CACNA1A: variants seen among roughly 807,000 people sequenced by gnomAD.
The protein encoded by CACNA1A is calcium voltage-gated channel subunit alpha1 A, also known as voltage-dependent P/Q-type calcium channel subunit alpha-1A.
CACNA1A carries 57 observed loss-of-function variants against 262.4 expected under a neutral mutation model. The ratio of observed to expected loss-of-function variants is 0.22; its 90% confidence interval spans 0.18 to 0.27. CACNA1A has a LOEUF of 0.27. CACNA1A is among the 10% of genes least tolerant of loss of function. The pLI, the probability that CACNA1A is intolerant of heterozygous loss-of-function variation, is 1.00. For synonymous variants in CACNA1A, 1,431 were observed against 1,419.3 expected (o/e 1.01, Z -0.18); for missense variants, 2,526 against 3,562.8 (o/e 0.71, Z 7.41).
intron 1 of CACNA1A, among the ~76,000 whole-genome samples, chr19:13,465,563 C>T (rs906077918): frequency 6.6e-6 from 1 of 152,158 alleles, no homozygotes; most frequent in Non-Finnish European, 1.5e-5. Flanking sequence ...TGGCTCACTG[C>T]AGCCTCGGCC....
In CACNA1A at chr19:13,235,167, C is replaced by T. The variant is rs975278730; in HGVS notation, c.5133+42G>A. The T allele has an allele frequency of 8.7e-6, 14 of 1,600,998 alleles. 1 individual carries two copies. Among genetic ancestry groups the T allele is most frequent in the Admixed American group, 6.8e-5 (4 of 58,784 alleles). On this transcript the variant is annotated intron_variant, in intron 33 of 46. Coordinates refer to ENST00000360228, the MANE Select transcript of CACNA1A (RefSeq NM_001127222.2). ...CCACCCCTTTCTAAGGGTGGCTGCC[C>T]TCCTTGGGAGGCTCTGGGAACCTTA... is the stretch of plus-strand genomic sequence containing the variant.
Position 13,229,994 on chromosome 19 carries a change from C to T in CACNA1A, c.5528+88G>A. 2.0e-6 allele frequency: 3 copies of T among 1,476,046 alleles called. No individual in the cohort carries two copies. In the South Asian group the frequency reaches 3.9e-5, roughly 19 times the overall value. The allele number at this position is 1,476,046 out of a possible 1,614,324, so 91.4% of individuals were successfully genotyped here. ...CTGCTAGGACCCCAGGAGTTCAGTG[C>T]TCCAGAGTCTGGGGCCTGACCTAGC... is the stretch of plus-strand genomic sequence containing the variant. On this transcript the variant is annotated intron_variant, in intron 36 of 46. Transcript: ENST00000360228.
In CACNA1A at chr19:13,283,360, G is replaced by A. The variant is rs1446222234; in HGVS notation, c.3729C>T (p.Arg1243=). The change falls in exon 22 of 47, where the codon CGC becomes CGT. Residue 1243 remains arginine, a synonymous_variant. Coordinates refer to ENST00000360228, the MANE Select transcript of CACNA1A (RefSeq NM_001127222.2). ...CCATGAGGATGCACATCTCAAAGTA[G>A]CGCAGGTTCAGGATGTAATGGCACA... The part of the protein sequence containing the change: ...RRLCHYILNL[R]YFEMCILMVI... 1.2e-6 allele frequency: 2 copies of A among 1,613,882 alleles called. No homozygotes were observed. Among genetic ancestry groups the A allele is most frequent in the Non-Finnish European group, 1.7e-6 (2 of 1,179,894 alleles).
rs59760296 is a variant in CACNA1A at position 13,491,052 on chromosome 19, A to T, written c.293+14880T>A. Among the ~76,000 whole-genome samples, 45 of 152,350 alleles carry T rather than the reference A, an allele frequency of 3.0e-4. No individual in the cohort carries two copies. In the East Asian group the frequency reaches 8.5e-3, roughly 29 times the overall value. ...AAGAAACCTAGTCCTAGTTGAGCTCAGACTCTGTCCCTTAACCATCGTCCC... is the reference window on the plus strand; with the variant it reads ...AAGAAACCTAGTCCTAGTTGAGCTCTGACTCTGTCCCTTAACCATCGTCCC... On this transcript the variant is annotated intron_variant, in intron 1 of 46. Coordinates refer to ENST00000360228, the MANE Select transcript of CACNA1A (RefSeq NM_001127222.2).
intron 24 of CACNA1A, among the ~76,000 whole-genome samples, chr19:13,267,259 C>A (rs2144792341): frequency 6.6e-6 from 1 of 152,296 alleles, no homozygotes. Flanking sequence ...GAACACAGAA[C>A]ACGCACGTAC....
At chr19:13,426,179 G>GA (rs1451755778) in intron 3 of CACNA1A, among the ~76,000 whole-genome samples, 1 of 152,016 alleles carries the variant, frequency 6.6e-6, no homozygotes, top group Non-Finnish European at 1.5e-5. Flanking sequence ...AGAGACAGCA[G>GA]AAAAAAAGCC....
At chr19:13,446,416 T>C (rs1382424841) in intron 3 of CACNA1A, among the ~76,000 whole-genome samples, 1 of 150,964 alleles carries the variant, frequency 6.6e-6, no homozygotes, top group Non-Finnish European at 1.5e-5. Context: ...ATGATGTGTG[T>C]GTGTGTGCGC....
At chr19:13,230,392 CTG>C (rs1377661137) in intron 35 of CACNA1A, among the ~76,000 whole-genome samples, 183 bp from the exon 36 acceptor site, 1 of 151,862 alleles carries the variant, frequency 6.6e-6, no homozygotes, top group African/African-American at 2.4e-5. Flanking sequence ...CAGAAAGAGA[CTG>C]GGGAATGGAG....
At chr19:13,227,771 G>C in intron 36 of CACNA1A, 1 of 264,338 alleles carries the variant, frequency 3.8e-6, no homozygotes. Flanking sequence ...TTCACTGCTC[G>C]GGAGCAGGGA....
At chr19:13,492,592 A>C (rs1313536796) in intron 1 of CACNA1A, among the ~76,000 whole-genome samples, 1 of 152,108 alleles carries the variant, frequency 6.6e-6, no homozygotes, top group African/African-American at 2.4e-5. Flanking sequence ...TGCTCACTGC[A>C]GTGTGATCAG....
chr19:13,328,186 T>A (rs1568538928), intron 10 of CACNA1A, among the ~76,000 whole-genome samples: 2 of 152,186 alleles, frequency 1.3e-5, no homozygotes, highest in Non-Finnish European at 2.9e-5. Flanking sequence ...ATTACAGGCG[T>A]GAACCACTGT....
intron 6 of CACNA1A, among the ~76,000 whole-genome samples, chr19:13,354,925 A>G (rs2058982739): frequency 7.4e-6 from 1 of 134,664 alleles, no homozygotes; most frequent in South Asian, 2.3e-4. Flanking sequence ...CCCAGGCTGG[A>G]GTGCAGTGGC....
At chr19:13,348,822 A>G (rs2058844731) in intron 6 of CACNA1A, among the ~76,000 whole-genome samples, 1 of 151,940 alleles carries the variant, frequency 6.6e-6, no homozygotes, top group Non-Finnish European at 1.5e-5. Flanking sequence ...GCGACAGAGC[A>G]AGACTCCATC....
At chr19:13,505,052 G>A (rs1159251306) in intron 1 of CACNA1A, among the ~76,000 whole-genome samples, 1 of 152,124 alleles carries the variant, frequency 6.6e-6, no homozygotes, top group Non-Finnish European at 1.5e-5. Context: ...CGGCTACTCG[G>A]GGTAGGAAAA....
Position 13,335,498 on chromosome 19 carries a change from A to G in CACNA1A, c.1082+308T>C, listed in dbSNP as rs75478551. Among the ~76,000 whole-genome samples the G allele has an allele frequency of 0.035, 5,342 of 152,266 alleles. 305 individuals carry two copies. Among genetic ancestry groups the G allele is most frequent in the African/African-American group, 0.12 (4,991 of 41,534 alleles). On this transcript the variant is annotated intron_variant, in intron 7 of 46. Transcript: ENST00000360228. ...GATAGAGGACAATATGGGTCAGGAA[A>G]ATACACCGTTAGAGCATATGCTATG...
rs572722130 is a variant in CACNA1A, at chr19:13,209,374, C to T, written c.6464G>A (p.Arg2155His). The stretch of plus-strand genomic sequence containing the variant: ...AGAGGCGCGGTGGCTGCGGTCGCGG[C>T]GCCGCTGGTGGTGCCGCTGGTTCTC... ...PEENQRHHQR[R>H]RDRSHRASER... is the part of the protein sequence containing the mutation. Residue 2155 changes from arginine to histidine, a missense_variant, in exon 45 of 47, where the codon CGC (arginine) becomes CAC (histidine). By Grantham distance (29) the Arg-to-His change is conservative (BLOSUM62 0). Around this residue, in one of 17 missense-constraint regions of CACNA1A, gnomAD observed 929 missense variants for 868.1 expected, o/e 1.07. Coordinates refer to ENST00000360228, the MANE Select transcript of CACNA1A (RefSeq NM_001127222.2). 45 of 1,389,132 alleles carry T rather than the reference C, an allele frequency of 3.2e-5. No homozygotes were observed. Among genetic ancestry groups the T allele is most frequent in the Non-Finnish European group, 3.9e-5 (42 of 1,067,230 alleles). The allele number at this position is 1,389,132 out of a possible 1,614,324, so 86.1% of individuals were successfully genotyped here. A position where few individuals can be genotyped will look rare whatever the true frequency, so the allele number is the denominator to read the frequency against.
chr19:13,396,596 G>T (rs534575614), intron 3 of CACNA1A, among the ~76,000 whole-genome samples: 5 of 152,232 alleles, frequency 3.3e-5, no homozygotes, highest in Non-Finnish European at 4.4e-5. Flanking sequence ...AAATTTTAAT[G>T]AATGTACATT....
chr19:13,243,863 TCA>T (rs1407672494), intron 31 of CACNA1A: 1 of 152,352 alleles, frequency 6.6e-6, no homozygotes, highest in Middle Eastern at 3.2e-3. Flanking sequence ...CCAGCTGAGG[TCA>T]GTTTTCCCAT....
At chr19:13,246,476 C>T (rs2056237840) in intron 30 of CACNA1A, among the ~76,000 whole-genome samples, 1 of 152,166 alleles carries the variant, frequency 6.6e-6, no homozygotes, top group South Asian at 2.1e-4. Context: ...AGGCAAACAG[C>T]TTCCCTGCTG....
Sources: gnomAD v4.1 joint callset for allele counts (sites outside exome capture counted in the v4.1 genomes callset) on GRCh38, gnomAD v4.1.1 for gene constraint, gnomAD v4.1.1 regional missense constraint, MANE v1.5 for transcripts, NCBI Gene and HGNC (gene_info 2026-07-23, HGNC 2026-07-21) for gene names.